Variants in ITPR1 observed in about 807,000 individuals in gnomAD.
The protein encoded by ITPR1 is inositol 1,4,5-trisphosphate receptor type 1.
Under a neutral mutation model 318.4 loss-of-function variants are expected in ITPR1, and 96 were observed. That is an observed-to-expected ratio of 0.30 (90% CI 0.26 to 0.36). ITPR1 has a LOEUF of 0.36. Ranked by LOEUF, ITPR1 falls within the 10% of genes least tolerant of loss-of-function variation. The probability of loss-of-function intolerance (pLI) is 1.00; values close to 1 mark genes in which losing one functional copy is unlikely to be tolerated. For missense variants in ITPR1, 2,440 were observed against 3,460.2 expected, an observed-to-expected ratio of 0.71 and a Z score of 7.40; for synonymous variants, 1,312 against 1,289.9, an observed-to-expected ratio of 1.02 and a Z score of -0.37.
intron 3 of ITPR1, among the ~76,000 whole-genome samples, chr3:4,520,402 A>G (rs1048007973): frequency 3.9e-5 from 6 of 151,974 alleles, no homozygotes; most frequent in African/African-American, 1.5e-4. Context: ...CAGTCCTTTC[A>G]TATCTTCATG....
intron 29 of ITPR1, 63 bp downstream of exon 29, chr3:4,684,409 G>C: frequency 8.3e-7 from 1 of 1,204,174 alleles, no homozygotes; most frequent in Non-Finnish European, 1.2e-6. Flanking sequence ...GCTTTAGTTT[G>C]TGATAGTCAA....
intron 40 of ITPR1, among the ~76,000 whole-genome samples, chr3:4,723,363 T>C (rs1386439945): frequency 6.6e-6 from 1 of 152,182 alleles, no homozygotes; most frequent in Admixed American, 6.5e-5. Context: ...GTTTTTCTGG[T>C]TAGACACGAT....
chr3:4,507,464 C>G (rs576086199), intron 2 of ITPR1, among the ~76,000 whole-genome samples: 1 of 152,066 alleles, frequency 6.6e-6, no homozygotes, highest in African/African-American at 2.4e-5. Flanking sequence ...TGAGATCTTT[C>G]TGTTCAGAAA....
In ITPR1 at chr3:4,518,458, A is replaced by C. The variant is rs529107135; in HGVS notation, c.92+1875A>C. Among the ~76,000 whole-genome samples, 8 of 152,344 alleles carry C rather than the reference A, an allele frequency of 5.3e-5. No homozygotes were observed. The South Asian group carries it at 1.2e-3, about 24-fold the overall frequency. On this transcript the variant is annotated intron_variant, in intron 3 of 61. Transcript: ENST00000649015. ...GGTTGCTAATACTTTCTTGAGATGAATACTTTATTTTCTCAGTTGCTTGCA... is the reference window on the plus strand; with the variant it reads ...GGTTGCTAATACTTTCTTGAGATGACTACTTTATTTTCTCAGTTGCTTGCA...
At chr3:4,770,257 C>T (rs978933328) in intron 46 of ITPR1, among the ~76,000 whole-genome samples, 3 of 152,180 alleles carry the variant, frequency 2.0e-5, no homozygotes, top group Non-Finnish European at 4.4e-5. Flanking sequence ...GGTACTGCCG[C>T]AGTGAATTGC....
In ITPR1 at chr3:4,806,193, T is replaced by C; in HGVS notation, c.7198T>C (p.Phe2400Leu). ...CCGAGCCATGGTTCTGGATGTTGAG[T>C]TCCTCTATCATTTGTTGTATCTGGT... ...GYRAMVLDVE[F>L]LYHLLYLVIC... Residue 2400 changes from phenylalanine (F) to leucine (L), a missense_variant, in exon 55 of 62, where the codon TTC becomes CTC. Transcript: ENST00000649015. 1 of 1,613,872 alleles carries C rather than the reference T, an allele frequency of 6.2e-7. No individual in the cohort carries two copies. Among genetic ancestry groups the C allele is most frequent in the Non-Finnish European group, 8.5e-7 (1 of 1,179,774 alleles).
chr3:4,592,258 C>G (rs1033332412), intron 4 of ITPR1, among the ~76,000 whole-genome samples: 1 of 152,190 alleles, frequency 6.6e-6, no homozygotes, highest in Non-Finnish European at 1.5e-5. Flanking sequence ...TACAAACTGA[C>G]TGTCTTGTTT....
At chr3:4,829,760 G>A (rs1489650534) in intron 60 of ITPR1, among the ~76,000 whole-genome samples, 1 of 151,890 alleles carries the variant, frequency 6.6e-6, no homozygotes, top group Non-Finnish European at 1.5e-5. Flanking sequence ...CATTCTGTGG[G>A]TTTTCACCAA....
intron 61 of ITPR1, among the ~76,000 whole-genome samples, chr3:4,838,988 G>A (rs1009272653): frequency 2.0e-5 from 3 of 152,138 alleles, no homozygotes; most frequent in African/African-American, 7.2e-5. Flanking sequence ...ACAAACCATT[G>A]AGCCTCATCA....
intron 4 of ITPR1, among the ~76,000 whole-genome samples, chr3:4,529,699 A>T (rs1395905324): frequency 7.2e-5 from 11 of 152,202 alleles, no homozygotes; most frequent in South Asian, 2.1e-4. Context: ...TGAATTAAAA[A>T]TTTTTTTTGG....
chr3:4,835,565 A>AGTGT lies in ITPR1; in HGVS notation c.8029-1197_8029-1194dup, dbSNP rs57292347. Among the ~76,000 whole-genome samples, 25 of 151,408 alleles carry AGTGT rather than the reference A, an allele frequency of 1.7e-4. No individual in the cohort carries two copies. In the South Asian group the frequency reaches 2.1e-3, roughly 13 times the overall value. Reference sequence around the variant, plus strand: ...CAACAATTATCCAGCATTCCGAGTGAGTGTGTGTGTGTGTGGGAGGGGGCT... The same window carrying AGTGT: ...CAACAATTATCCAGCATTCCGAGTGAGTGTGTGTGTGTGTGTGTGGGAGGGGGCT... On this transcript the variant is annotated intron_variant, in intron 60 of 61. Coordinates refer to ENST00000649015, the MANE Select transcript of ITPR1 (RefSeq NM_001378452.1).
At position 4,826,792 on chromosome 3, in the gene ITPR1, C is replaced by T. The variant is rs1207921980; in HGVS notation, c.8028+8550C>T. Among the ~76,000 whole-genome samples, 1 of 152,190 alleles carries T rather than the reference C, an allele frequency of 6.6e-6. No individual in the cohort carries two copies. Among genetic ancestry groups the T allele is most frequent in the Non-Finnish European group, 1.5e-5 (1 of 68,034 alleles). ...TGCACTGACCTCCCAGTGCTCTCCTCCGAATTTCCTACATTCTGACCTTCG... is the reference window on the plus strand; with the variant it reads ...TGCACTGACCTCCCAGTGCTCTCCTTCGAATTTCCTACATTCTGACCTTCG... On this transcript the variant is annotated intron_variant, in intron 60 of 61. Coordinates refer to ENST00000649015, the MANE Select transcript of ITPR1 (RefSeq NM_001378452.1). This position sits in a 1 kb window ranked among gnomAD's most constrained non-coding sequence, Gnocchi z 4.2.
intron 43 of ITPR1, 145 bp downstream of exon 43, chr3:4,733,365 T>C (rs1486757806): frequency 1.1e-6 from 1 of 931,894 alleles, no homozygotes; most frequent in African/African-American, 1.7e-5. Context: ...TTGTCTTTGG[T>C]CTACCATCAA....
At chr3:4,656,888 A>G (rs2093722323) in intron 12 of ITPR1, among the ~76,000 whole-genome samples, 1 of 152,216 alleles carries the variant, frequency 6.6e-6, no homozygotes, top group Non-Finnish European at 1.5e-5. Flanking sequence ...CACGCGATGT[A>G]GAGTTGCCGG....
chr3:4,692,591 T>G (rs2125247741), intron 32 of ITPR1, among the ~76,000 whole-genome samples: 1 of 152,378 alleles, frequency 6.6e-6, no homozygotes, highest in Non-Finnish European at 1.5e-5. Flanking sequence ...TTTTGACTTC[T>G]GTGCCAGCCC....
chr3:4,652,042 C>A (rs1222879067), intron 10 of ITPR1, 81 bp from the exon 11 acceptor site: 3 of 1,086,664 alleles, frequency 2.8e-6, no homozygotes, highest in South Asian at 1.3e-5. Context: ...CCCTCCTGAA[C>A]TATGACTTGT....
At chr3:4,721,864 C>T (rs572406509) in intron 40 of ITPR1, among the ~76,000 whole-genome samples, 2 of 152,078 alleles carry the variant, frequency 1.3e-5, no homozygotes, top group South Asian at 4.2e-4. Flanking sequence ...GATGGATGTG[C>T]GTGGGTGCTG....
chr3:4,839,065 C>T (rs910160305), intron 61 of ITPR1, among the ~76,000 whole-genome samples: 16 of 152,310 alleles, frequency 1.1e-4, no homozygotes, highest in African/African-American at 2.2e-4. Flanking sequence ...TGGTGGCTCA[C>T]GCCTGTAATC....
chr3:4,737,514 G>A (rs1198102125), intron 44 of ITPR1, among the ~76,000 whole-genome samples: 2 of 152,190 alleles, frequency 1.3e-5, no homozygotes, highest in African/African-American at 2.4e-5. Context: ...CCAGAACAGC[G>A]GTTGGGTCTT....
Sources: gnomAD v4.1 joint callset for allele counts (sites outside exome capture counted in the v4.1 genomes callset) on GRCh38, gnomAD v4.1.1 for gene constraint, Gnocchi (gnomAD v3.1) non-coding constraint, MANE v1.5 for transcripts, NCBI Gene and HGNC (gene_info 2026-07-23, HGNC 2026-07-21) for gene names.